PLSCR1: variants seen among roughly 807,000 people sequenced by gnomAD.
PLSCR1 encodes PL scramblase 1.
Under a neutral mutation model 37.8 loss-of-function variants are expected in PLSCR1, and 17 were observed. That is an observed-to-expected ratio of 0.45 (90% CI 0.31 to 0.68). The LOEUF (loss-of-function observed/expected upper bound fraction) is 0.68, where lower values mean the gene tolerates loss of function less well. Among genes scored for constraint, PLSCR1 ranks in the 30% least tolerant of loss-of-function variants. PLSCR1 has a pLI of 0.06. For synonymous variants in PLSCR1, 116 were observed against 125.9 expected, an observed-to-expected ratio of 0.92 and a Z score of 0.53; for missense variants, 347 against 380.9, an observed-to-expected ratio of 0.91 and a Z score of 0.74.
At chr3:146,541,739 T>TATGA (rs1342958663) in intron 1 of PLSCR1, among the ~76,000 whole-genome samples, 2 of 152,266 alleles carry the variant, frequency 1.3e-5, no homozygotes, top group Non-Finnish European at 2.9e-5. Flanking sequence ...TAAGTTCATG[T>TATGA]GTTGGAAACT....
At chr3:146,542,202 C>A (rs1227939277) in intron 1 of PLSCR1, among the ~76,000 whole-genome samples, 1 of 152,146 alleles carries the variant, frequency 6.6e-6, no homozygotes. Flanking sequence ...CCTCACTGGT[C>A]ATTCCTTTTC....
chr3:146,534,314 CT>C (rs2044237421), intron 2 of PLSCR1, among the ~76,000 whole-genome samples: 1 of 152,186 alleles, frequency 6.6e-6, no homozygotes, highest in African/African-American at 2.4e-5. Context: ...AATGGCTCTG[CT>C]TTCATACAGC....
chr3:146,517,644 C>T (rs552527950), intron 7 of PLSCR1, among the ~76,000 whole-genome samples: 6 of 152,008 alleles, frequency 3.9e-5, no homozygotes, highest in East Asian at 1.9e-4. Flanking sequence ...ATGCTAAGCA[C>T]CTAGAAAAGA....
intron 1 of PLSCR1, among the ~76,000 whole-genome samples, chr3:146,539,164 T>C (rs1022638160): frequency 6.6e-6 from 1 of 152,190 alleles, no homozygotes; most frequent in Admixed American, 6.5e-5. Context: ...GACAGTCCCA[T>C]GTGGGGGTGA....
chr3:146,528,863 C>G lies in PLSCR1; in HGVS notation c.95-32G>C, dbSNP rs758300530. The G allele has an allele frequency of 2.0e-6, 3 of 1,523,726 alleles. No homozygotes were observed. The Admixed American group carries it at 5.4e-5, about 27-fold the overall frequency. 94.4% of individuals were successfully genotyped at this position (1,523,726 alleles called of 1,614,324 possible). A position where few individuals can be genotyped will look rare whatever the true frequency, so the allele number is the denominator to read the frequency against. ...TACAAACAAGTGAAATGATTTGTAA[C>G]TGCACCAAAAATGGAATTGTCAACC... On this transcript the variant is annotated intron_variant, in intron 3 of 8. Transcript: ENST00000342435.
At position 146,529,658 on chromosome 3, in the gene PLSCR1, G is replaced by A. The variant is rs552080004; in HGVS notation, c.95-827C>T. On this transcript the variant is annotated intron_variant, in intron 3 of 8. Transcript: ENST00000342435. The stretch of plus-strand genomic sequence containing the variant: ...CTCCTAAGTAGCTGGAACTACAGGC[G>A]CCCACCACCACGCCCAGCTAATTTT... Among the ~76,000 whole-genome samples, 36 of 151,926 alleles carry A rather than the reference G, an allele frequency of 2.4e-4. No homozygotes were observed. In the East Asian group the frequency reaches 6.2e-3, roughly 26 times the overall value.
rs1400422763 is a variant in PLSCR1 at position 146,536,538 on chromosome 3, ACTTT to A, written c.11_13+1del. On this transcript the variant is annotated splice_donor_variant and coding_sequence_variant, in exon 2 of 9. Transcript: ENST00000342435. LOFTEE classifies it high-confidence loss of function. ...AGTAAACATTTAAAATAAATTACTTACTTTGTTTGTCCATGATTAAAACAGTTCT... is the reference window on the plus strand; with the variant it reads ...AGTAAACATTTAAAATAAATTACTTAGTTTGTCCATGATTAAAACAGTTCT... The A allele has an allele frequency of 7.2e-7, 1 of 1,395,706 alleles. No individual in the cohort carries two copies. Among genetic ancestry groups the A allele is most frequent in the South Asian group, 1.2e-5 (1 of 86,438 alleles). 86.5% of individuals were successfully genotyped at this position (1,395,706 alleles called of 1,614,324 possible).
intron 8 of PLSCR1, 117 bp from the exon 9 acceptor site, chr3:146,516,218 TA>T (rs1302489154): frequency 3.5e-6 from 2 of 564,978 alleles, no homozygotes; most frequent in Non-Finnish European, 6.1e-6. Flanking sequence ...TTAAAAAAAT[TA>T]AATGTAATAA....
chr3:146,543,066 A>T (rs961587591), intron 1 of PLSCR1, among the ~76,000 whole-genome samples: 1 of 152,068 alleles, frequency 6.6e-6, no homozygotes, highest in African/African-American at 2.4e-5. Context: ...TAGTCTATGG[A>T]GGTATGGTGG....
intron 1 of PLSCR1, among the ~76,000 whole-genome samples, chr3:146,537,148 C>G (rs1425755440): frequency 1.3e-5 from 2 of 151,610 alleles, no homozygotes; most frequent in Admixed American, 6.6e-5. Context: ...AGAAAACCCA[C>G]TCTCAGGAGT....
intron 1 of PLSCR1, among the ~76,000 whole-genome samples, chr3:146,540,369 C>A (rs1326530815): frequency 5.9e-5 from 9 of 152,128 alleles, no homozygotes; most frequent in African/African-American, 2.2e-4. Context: ...CTTCTCTGGA[C>A]TATTTGATAA....
intron 2 of PLSCR1, among the ~76,000 whole-genome samples, chr3:146,534,908 A>G (rs1402537556): frequency 6.6e-6 from 1 of 152,002 alleles, no homozygotes; most frequent in East Asian, 1.9e-4. Context: ...ATAACACAAA[A>G]CAACAACAAA....
rs2043959450 is a variant in PLSCR1, at chr3:146,517,235, A to C, written c.739-68T>G. ...ATAGCAAAAGTACTTTCAAATTTGA[A>C]GTAAGATGAAACAAATATGGTATTA... On this transcript the variant is annotated intron_variant, in intron 7 of 8. Coordinates refer to ENST00000342435, the MANE Select transcript of PLSCR1 (RefSeq NM_021105.3). 2.3e-5 allele frequency: 20 copies of C among 874,670 alleles called. No homozygotes were observed. The Admixed American group carries it at 2.5e-4, about 11-fold the overall frequency. The allele number at this position is 874,670 out of a possible 1,614,324, so 54.2% of individuals were successfully genotyped here.
chr3:146,517,199 T>C (rs2043958957), intron 7 of PLSCR1, 32 bp from the exon 8 acceptor site: 1 of 1,284,570 alleles, frequency 7.8e-7, no homozygotes, highest in Non-Finnish European at 1.1e-6. Context: ...TTAAATACTT[T>C]TAGGAAACTT....
chr3:146,519,356 A>G (rs1220119047), intron 7 of PLSCR1, among the ~76,000 whole-genome samples: 2 of 152,096 alleles, frequency 1.3e-5, no homozygotes, highest in Non-Finnish European at 2.9e-5. Context: ...ACTACTCAGG[A>G]TCAGTTTCTA....
At chr3:146,523,265 C>T (rs1560082314) in intron 5 of PLSCR1, among the ~76,000 whole-genome samples, 1 of 152,284 alleles carries the variant, frequency 6.6e-6, no homozygotes, top group East Asian at 1.9e-4. Flanking sequence ...TTATATTTTC[C>T]TAATTCCATA....
intron 1 of PLSCR1, among the ~76,000 whole-genome samples, chr3:146,537,228 T>C (rs1295239628): frequency 6.6e-6 from 1 of 152,138 alleles, no homozygotes; most frequent in Non-Finnish European, 1.5e-5. Context: ...AAACATAAAT[T>C]GCAGCAAACA....
At chr3:146,522,658 C>T (rs887044770) in intron 5 of PLSCR1, among the ~76,000 whole-genome samples, 3 of 152,062 alleles carry the variant, frequency 2.0e-5, no homozygotes, top group South Asian at 2.1e-4. Context: ...AAGACCTGAC[C>T]GTCCACCAGT....
In PLSCR1 at chr3:146,522,028, G is replaced by A; in HGVS notation, c.381C>T (p.Asn127=). ...CAAAGCTGTTCTTAATTTCATATTTGTTATTAGTTTCAAAACCTGTTAAAA... is the reference window on the plus strand; with the variant it reads ...CAAAGCTGTTCTTAATTTCATATTTATTATTAGTTTCAAAACCTGTTAAAA... ...LEVLTGFETN[N]KYEIKNSFGQ... is the part of the protein sequence containing the mutation. Residue 127 remains asparagine (N), a synonymous_variant, in exon 6 of 9, where the codon AAC becomes AAT. Transcript: ENST00000342435. 1 of 1,605,052 alleles carries A rather than the reference G, an allele frequency of 6.2e-7. No homozygotes were observed. Among genetic ancestry groups the A allele is most frequent in the African/African-American group, 1.3e-5 (1 of 74,812 alleles).
Sources: allele counts gnomAD v4.1 joint callset (sites outside exome capture counted in the v4.1 genomes callset), GRCh38; gene constraint gnomAD v4.1.1; transcripts MANE v1.5; gene names NCBI Gene and HGNC (gene_info 2026-07-23, HGNC 2026-07-21).